SPTBN4: variants seen among roughly 807,000 people sequenced by gnomAD.
The protein encoded by SPTBN4 is spectrin beta, non-erythrocytic 4.
In SPTBN4, 96 loss-of-function variants were observed where a neutral mutation model predicts 277.8. That is an observed-to-expected ratio of 0.35 (90% CI 0.29 to 0.41). The LOEUF (loss-of-function observed/expected upper bound fraction) is 0.41. SPTBN4 is among the 10% of genes least tolerant of loss of function. The pLI, the probability that SPTBN4 is intolerant of heterozygous loss-of-function variation, is 1.00. For synonymous variants in SPTBN4, 1,481 were observed against 1,580.3 expected, an observed-to-expected ratio of 0.94 and a Z score of 1.49; for missense variants, 3,006 against 3,595.7, an observed-to-expected ratio of 0.84 and a Z score of 4.19.
At chr19:40,476,216 G>A (rs990130358) in intron 2 of SPTBN4, among the ~76,000 whole-genome samples, 5 of 151,610 alleles carry the variant, frequency 3.3e-5, no homozygotes, top group African/African-American at 4.8e-5. Flanking sequence ...GTGGTGGCGC[G>A]TGCCTCTAAT....
rs1466375810 is a variant in SPTBN4 at position 40,534,591 on chromosome 19, A to G, written c.4359+248A>G. ...TCTAGAGCCACAAAGCAGTAGGTAA[A>G]TGACTAGCATGCTAAAGGTTTCACA... On this transcript the variant is annotated intron_variant, in intron 20 of 35. Coordinates refer to ENST00000598249, the MANE Select transcript of SPTBN4 (RefSeq NM_020971.3). 7 of 512,232 alleles carry G rather than the reference A, an allele frequency of 1.4e-5. No homozygotes were observed. The East Asian group carries it at 2.0e-4, about 15-fold the overall frequency. 31.7% of individuals were successfully genotyped at this position (512,232 alleles called of 1,614,324 possible). A position where few individuals can be genotyped will look rare whatever the true frequency, so the allele number is the denominator to read the frequency against.
chr19:40,497,674 C>T (rs1052434790), intron 7 of SPTBN4, 70 bp downstream of exon 7: 3 of 1,246,698 alleles, frequency 2.4e-6, no homozygotes, highest in Non-Finnish European at 3.5e-6. Context: ...ATGTCACACT[C>T]AACTCCATCC....
chr19:40,477,040 A>G (rs902603730), intron 2 of SPTBN4, among the ~76,000 whole-genome samples: 8 of 148,662 alleles, frequency 5.4e-5, no homozygotes, highest in Non-Finnish European at 1.0e-4. Flanking sequence ...TATTATTATT[A>G]TTATTATTAT....
rs368050047 is a variant in SPTBN4 at position 40,490,297 on chromosome 19, A to T, written c.495+49A>T. On this transcript the variant is annotated intron_variant, in intron 4 of 35. Transcript: ENST00000598249. The surrounding 1 kb of genome is among the most constrained non-coding windows in gnomAD (Gnocchi z 4.3). The stretch of plus-strand genomic sequence containing the variant: ...AAGCCCCGCAACATGGGACTTAGGA[A>T]AGCGTTCCCCACCATTTACCCATTC... 6.4e-7 allele frequency: 1 copy of T among 1,574,444 alleles called. No homozygotes were observed. The highest frequency in any genetic ancestry group is 1.4e-5 in the African/African-American group (1 of 73,620).
Position 40,515,394 on chromosome 19 carries a change from G to C in SPTBN4, c.2849G>C (p.Gly950Ala). Residue 950 changes from glycine (G) to alanine (A), a missense_variant, in exon 15 of 36, where the codon GGA becomes GCA. Transcript: ENST00000598249. The surrounding 1 kb of genome is among the most constrained non-coding windows in gnomAD (Gnocchi z 4.1). ...CACACAGTCCAGGAGCTGGTGGAAGGAGGCCACCCCAGTTCAGATGAGGTG... is the reference window on the plus strand; with the variant it reads ...CACACAGTCCAGGAGCTGGTGGAAGCAGGCCACCCCAGTTCAGATGAGGTG... ...VNHTVQELVE[G>A]GHPSSDEVRS... 6.3e-7 allele frequency: 1 copy of C among 1,598,184 alleles called. No individual in the cohort carries two copies.
In SPTBN4 at chr19:40,493,005, C is replaced by T. The variant is rs377149796; in HGVS notation, c.538C>T (p.Arg180Cys). Residue 180 changes from arginine to cysteine, a missense_variant, in exon 5 of 36, where the codon CGC becomes TGC. By Grantham distance (180) the Arg-to-Cys change is radical. Transcript: ENST00000598249. ...KIETEDNRET[R>C]SAKDALLLWC... ...TGAGACTGAGGACAACAGAGAGACA[C>T]GCTCAGCCAAGGATGCTCTGCTCTT... The T allele has an allele frequency of 8.1e-6, 13 of 1,613,960 alleles. No individual in the cohort carries two copies. The highest frequency in any genetic ancestry group is 1.7e-5 in the Admixed American group (1 of 59,980).
intron 17 of SPTBN4, among the ~76,000 whole-genome samples, chr19:40,524,370 G>C (rs1335301996): frequency 6.6e-6 from 1 of 151,820 alleles, no homozygotes; most frequent in African/African-American, 2.4e-5. Flanking sequence ...AGCTGGGCGT[G>C]GTGATGCGTG....
Position 40,575,598 on chromosome 19 carries a change from C to CG in SPTBN4, c.*30dup. On this transcript the variant is annotated 3_prime_UTR_variant, in exon 36 of 36. Transcript: ENST00000598249. The stretch of plus-strand genomic sequence containing the variant: ...CCCACCCCCAGGACCTGACACATCT[C>CG]GTCTCCCCTCTTTTCCGCACTGTGG... The CG allele has an allele frequency of 3.1e-6, 5 of 1,592,522 alleles. No homozygotes were observed. The highest frequency in any genetic ancestry group is 4.3e-6 in the Non-Finnish European group (5 of 1,169,540).
intron 32 of SPTBN4, among the ~76,000 whole-genome samples, chr19:40,570,029 G>C (rs73051850): frequency 0.15 from 21,164 of 140,822 alleles, 1,552 homozygotes; most frequent in Non-Finnish European, 0.17. Flanking sequence ...TACACACACA[G>C]ACACACACAC....
chr19:40,506,478 G>C, intron 13 of SPTBN4, 92 bp downstream of exon 13: 1 of 1,482,146 alleles, frequency 6.7e-7, no homozygotes, highest in Non-Finnish European at 9.0e-7. Context: ...GAAGGAAAGA[G>C]TGAGCTCCTT....
rs1486075587 is a variant in SPTBN4 at position 40,568,045 on chromosome 19, C to T, written c.6719C>T (p.Ala2240Val). ...RPERQESADR[A>V]EELPRRRRPE... ...GAGCGCCAGGAGTCAGCTGATCGCGCGGAGGAGCTGCCCAGGAGGCGGCGG... is the reference window on the plus strand; with the variant it reads ...GAGCGCCAGGAGTCAGCTGATCGCGTGGAGGAGCTGCCCAGGAGGCGGCGG... The change falls in exon 31 of 36, where the codon GCG (alanine) becomes GTG (valine). Residue 2240 changes from alanine to valine, a missense_variant. By Grantham distance (64) the Ala-to-Val change is moderately conservative (BLOSUM62 0). This residue lies in a region of SPTBN4 where 630 missense variants were observed against 677.6 expected (regional missense o/e 0.93). Coordinates refer to ENST00000598249, the MANE Select transcript of SPTBN4 (RefSeq NM_020971.3). The T allele has an allele frequency of 1.9e-6, 3 of 1,553,138 alleles. No individual in the cohort carries two copies. Among genetic ancestry groups the T allele is most frequent in the African/African-American group, 2.7e-5 (2 of 72,970 alleles).
chr19:40,538,694 C>T (rs1285676011), intron 20 of SPTBN4, among the ~76,000 whole-genome samples: 1 of 152,106 alleles, frequency 6.6e-6, no homozygotes, highest in Admixed American at 6.6e-5. Flanking sequence ...CTCAAGTGAA[C>T]CTGTCACCTC....
intron 30 of SPTBN4, chr19:40,567,027 C>A (rs2081099995): frequency 2.3e-6 from 1 of 433,348 alleles, no homozygotes; most frequent in Non-Finnish European, 4.7e-6. Flanking sequence ...GTGGCTCACA[C>A]CTGTACTCTC....
chr19:40,565,819 G>A (rs972605796), intron 29 of SPTBN4, 74 bp downstream of exon 29: 15 of 1,481,704 alleles, frequency 1.0e-5, no homozygotes, highest in Admixed American at 4.0e-5. Context: ...AAGGCCCAGA[G>A]GGTGACAGGA....
chr19:40,570,540 G>A lies in SPTBN4; in HGVS notation c.7131G>A (p.Arg2377=). 1.5e-6 allele frequency: 2 copies of A among 1,359,112 alleles called. No homozygotes were observed. The highest frequency in any genetic ancestry group is 1.9e-6 in the Non-Finnish European group (2 of 1,062,204). The allele number at this position is 1,359,112 out of a possible 1,614,324, so 84.2% of individuals were successfully genotyped here. ...PRPDRPRARD[R]PKPRRRPRPR... ...CGGACCGGCCCCGGGCGCGGGACCG[G>A]CCCAAGCCGCGACGGCGGCCGCGGC... The change falls in exon 33 of 36, where the codon CGG becomes CGA. Residue 2377 remains arginine, a synonymous_variant. Coordinates refer to ENST00000598249, the MANE Select transcript of SPTBN4 (RefSeq NM_020971.3).
rs961195995 is a variant in SPTBN4, at chr19:40,519,843, G to C, written c.3346G>C (p.Gly1116Arg). The change falls in exon 16 of 36, where the codon GGG becomes CGG. Residue 1116 changes from glycine (G) to arginine (R), a missense_variant. Gly to Arg is a moderately radical substitution (Grantham distance 125). This residue lies in a region of SPTBN4 where 1,759 missense variants were observed against 2,061.5 expected (regional missense o/e 0.85). Coordinates refer to ENST00000598249, the MANE Select transcript of SPTBN4 (RefSeq NM_020971.3). The surrounding 1 kb of genome is among the most constrained non-coding windows in gnomAD (Gnocchi z 5.7). ...RAQEAAGGSEGPLPNSLEEAD... is the reference protein window; with the variant it reads ...RAQEAAGGSERPLPNSLEEAD... ...CCAGGAGGCGGCGGGCGGCAGCGAGGGGCCCCTGCCCAACAGCCTAGAAGA... is the reference window on the plus strand; with the variant it reads ...CCAGGAGGCGGCGGGCGGCAGCGAGCGGCCCCTGCCCAACAGCCTAGAAGA... The C allele has an allele frequency of 6.9e-7, 1 of 1,441,932 alleles. No homozygotes were observed. The highest frequency in any genetic ancestry group is 9.0e-7 in the Non-Finnish European group (1 of 1,110,896). 89.3% of individuals were successfully genotyped at this position (1,441,932 alleles called of 1,614,324 possible).
Position 40,529,128 on chromosome 19 carries a change from C to G in SPTBN4, c.3945C>G (p.His1315Gln). 1 of 1,613,780 alleles carries G rather than the reference C, an allele frequency of 6.2e-7. No individual in the cohort carries two copies. Among genetic ancestry groups the G allele is most frequent in the Non-Finnish European group, 8.5e-7 (1 of 1,179,730 alleles). The change falls in exon 18 of 36, where the codon CAC becomes CAG. Residue 1315 changes from histidine to glutamine, a missense_variant. This residue lies in a region of SPTBN4 where 1,759 missense variants were observed against 2,061.5 expected (regional missense o/e 0.85). Transcript: ENST00000598249. Reference protein sequence around the residue: ...LELQHFLRDCHELDGWIHEKM... With the variant: ...LELQHFLRDCQELDGWIHEKM... ...TGCAGCACTTCCTCCGAGACTGCCA[C>G]GAGGTAGGAACTCCAGGTGTGCTGG...
intron 15 of SPTBN4, among the ~76,000 whole-genome samples, chr19:40,517,656 T>C (rs567086821): frequency 6.6e-6 from 1 of 152,190 alleles, no homozygotes; most frequent in Admixed American, 6.6e-5. Flanking sequence ...TTAAAACCTC[T>C]GTAGCCAAGA....
chr19:40,489,763 A>G (rs941690129), intron 3 of SPTBN4, among the ~76,000 whole-genome samples: 18 of 146,464 alleles, frequency 1.2e-4, no homozygotes, highest in African/African-American at 4.9e-4. Context: ...ATGGGCTAGG[A>G]GGGCGGGGCT....
Sources: gnomAD v4.1 joint callset for allele counts (sites outside exome capture counted in the v4.1 genomes callset) on GRCh38, gnomAD v4.1.1 for gene constraint, gnomAD v4.1.1 regional missense constraint, Gnocchi (gnomAD v3.1) non-coding constraint, MANE v1.5 for transcripts, NCBI Gene and HGNC (gene_info 2026-07-23, HGNC 2026-07-21) for gene names.